PCDHA8: variants seen among roughly 807,000 people sequenced by gnomAD.
PCDHA8 encodes the protein protocadherin alpha-8.
PCDHA8 carries 53 observed loss-of-function variants against 61.8 expected under a neutral mutation model. The ratio of observed to expected loss-of-function variants is 0.86; its 90% CI spans 0.69 to 1.08. The LOEUF (loss-of-function observed/expected upper bound fraction) is 1.08. PCDHA8 is among the 50% of genes least tolerant of loss of function. The pLI, the probability that PCDHA8 is intolerant of heterozygous loss-of-function variation, is 0.00. For missense variants in PCDHA8, 1,293 were observed against 1,245.0 expected (o/e 1.04, Z -0.58); for synonymous variants, 618 against 556.6 (o/e 1.11, Z -1.55).
intron 1 of PCDHA8, among the ~76,000 whole-genome samples, chr5:140,952,641 G>T (rs1033672347): frequency 1.3e-5 from 2 of 152,102 alleles, no homozygotes; most frequent in Non-Finnish European, 2.9e-5. Flanking sequence ...TCCAACCTGT[G>T]CCTGGTTACC....
intron 1 of PCDHA8, chr5:140,857,011 T>C (rs2044320012): frequency 1.3e-6 from 2 of 1,596,036 alleles, no homozygotes; most frequent in Admixed American, 1.7e-5. Flanking sequence ...ATGTAGATGT[T>C]ACAGATAAGG....
Position 140,877,413 on chromosome 5 carries a change from G to T in PCDHA8, c.2394+33698G>T, listed in dbSNP as rs540811233. 2.4e-5 allele frequency: 39 copies of T among 1,613,922 alleles called. No homozygotes were observed. The East Asian group carries it at 2.5e-4, about 10-fold the overall frequency. On this transcript the variant is annotated intron_variant, in intron 1 of 3. Transcript: ENST00000531613. Reference sequence around the variant, plus strand: ...AGGCGGACGCTCCGCGCCACCGCCTGCTGGTGCTGGTGAAGGACCACGGTG... The same window carrying T: ...AGGCGGACGCTCCGCGCCACCGCCTTCTGGTGCTGGTGAAGGACCACGGTG...
At chr5:140,869,141 G>A in intron 1 of PCDHA8, 1 of 1,613,314 alleles carries the variant, frequency 6.2e-7, no homozygotes, top group Non-Finnish European at 8.5e-7. Context: ...GGCACCCCAC[G>A]ACTACAGCTC....
chr5:140,853,923 T>C lies in PCDHA8; in HGVS notation c.2394+10208T>C, dbSNP rs150827815. 226 of 917,558 alleles carry C rather than the reference T, an allele frequency of 2.5e-4. 13 individuals carry two copies. The highest frequency in any genetic ancestry group is 2.8e-4 in the Non-Finnish European group (208 of 754,762). The allele number at this position is 917,558 out of a possible 1,614,324, so 56.8% of individuals were successfully genotyped here. A position where few individuals can be genotyped will look rare whatever the true frequency, so the allele number is the denominator to read the frequency against. On this transcript the variant is annotated intron_variant, in intron 1 of 3. Coordinates refer to ENST00000531613, the MANE Select transcript of PCDHA8 (RefSeq NM_018911.3). Reference sequence around the variant, plus strand: ...TGGCCTGACACCTGCAATCCCAACATTTTGGGAGGCCAAGGTGGGAGGGTC... The same window carrying C: ...TGGCCTGACACCTGCAATCCCAACACTTTGGGAGGCCAAGGTGGGAGGGTC...
In PCDHA8 at chr5:140,858,669, A is replaced by G; in HGVS notation, c.2394+14954A>G. The G allele has an allele frequency of 4.4e-6, 3 of 676,742 alleles. 1 individual carries two copies. Among genetic ancestry groups the G allele is most frequent in the Non-Finnish European group, 7.2e-6 (3 of 415,418 alleles). 41.9% of individuals were successfully genotyped at this position (676,742 alleles called of 1,614,324 possible). On this transcript the variant is annotated intron_variant, in intron 1 of 3. Coordinates refer to ENST00000531613, the MANE Select transcript of PCDHA8 (RefSeq NM_018911.3). ...CTTAAATTTTTTTAAATAACAATTT[A>G]TTCTGAATACACTAATATTTTCCAA...
At chr5:140,851,471 A>C in intron 1 of PCDHA8, 1 of 893,552 alleles carries the variant, frequency 1.1e-6, no homozygotes, top group African/African-American at 1.8e-5. Context: ...ATGTCAATAA[A>C]TGTTATAAAC....
intron 1 of PCDHA8, chr5:140,884,143 G>A: frequency 6.2e-7 from 1 of 1,613,438 alleles, no homozygotes; most frequent in Non-Finnish European, 8.5e-7. Context: ...TCCGCGTGGG[G>A]CTGTACACTG....
At chr5:140,923,376 A>T (rs1331786466) in intron 1 of PCDHA8, among the ~76,000 whole-genome samples, 5 of 152,086 alleles carry the variant, frequency 3.3e-5, no homozygotes, top group Non-Finnish European at 7.3e-5. Flanking sequence ...ATATTTTTAA[A>T]AATTAGTTGG....
chr5:140,978,188 C>A (rs1480380395), intron 1 of PCDHA8, among the ~76,000 whole-genome samples: 2 of 152,176 alleles, frequency 1.3e-5, no homozygotes, highest in Non-Finnish European at 2.9e-5. Context: ...GGCAACAGAT[C>A]TTTTCAATAC....
intron 1 of PCDHA8, among the ~76,000 whole-genome samples, chr5:140,972,284 T>A (rs113618936): frequency 3.6e-4 from 55 of 150,874 alleles, no homozygotes; most frequent in African/African-American, 1.3e-3. Context: ...GGACCATAGA[T>A]GTGCGCCACC....
chr5:141,008,786 T>C (rs2098390952), intron 3 of PCDHA8, among the ~76,000 whole-genome samples: 1 of 152,212 alleles, frequency 6.6e-6, no homozygotes, highest in South Asian at 2.1e-4. Context: ...TGGCTCCCAG[T>C]GTTTTATCTA....
Position 141,010,042 on chromosome 5 carries a change from T to C in PCDHA8, c.*105T>C. 6.3e-7 allele frequency: 1 copy of C among 1,594,374 alleles called. No homozygotes were observed. The highest frequency in any genetic ancestry group is 8.5e-7 in the Non-Finnish European group (1 of 1,171,086). ...TTTTTCCTATCTACATGAGCCCTCT[T>C]AGAGACCTCAGAAATCTGCAGAAAG... On this transcript the variant is annotated 3_prime_UTR_variant, in exon 4 of 4. Transcript: ENST00000531613.
chr5:140,979,145 G>A, intron 2 of PCDHA8, 138 bp downstream of exon 2: 1 of 1,447,220 alleles, frequency 6.9e-7, no homozygotes, highest in Non-Finnish European at 9.1e-7. Context: ...CAATTATTTT[G>A]TCCCCATGTT....
intron 1 of PCDHA8, among the ~76,000 whole-genome samples, chr5:140,954,247 A>T (rs782077145): frequency 2.6e-5 from 4 of 152,196 alleles, no homozygotes; most frequent in Non-Finnish European, 4.4e-5. Context: ...ATGAACATAC[A>T]CATGCAGGTA....
chr5:141,004,369 C>A (rs1239142670), intron 3 of PCDHA8, among the ~76,000 whole-genome samples: 1 of 152,206 alleles, frequency 6.6e-6, no homozygotes, highest in Non-Finnish European at 1.5e-5. Flanking sequence ...ACACCTTGTT[C>A]TGCTCTGCGG....
intron 1 of PCDHA8, chr5:140,967,224 A>G (rs2096116008): frequency 6.2e-7 from 1 of 1,613,708 alleles, no homozygotes; most frequent in Non-Finnish European, 8.5e-7. Flanking sequence ...CGGCCCAACT[A>G]CCAGCTTCAG....
chr5:140,843,065 C>T lies in PCDHA8; in HGVS notation c.1744C>T (p.Pro582Ser), dbSNP rs1554139692. ...GTGGAASKLVPRSVGAGHVVA... is the reference protein window; with the variant it reads ...GTGGAASKLVSRSVGAGHVVA... ...TGGTGGCGCAGCGAGCAAGCTGGTG[C>T]CGCGGTCTGTGGGCGCGGGCCACGT... Residue 582 changes from proline to serine, a missense_variant, in exon 1 of 4, where the codon CCG (proline) becomes TCG (serine). Transcript: ENST00000531613. The T allele has an allele frequency of 6.3e-7, 1 of 1,595,232 alleles. No homozygotes were observed. Among genetic ancestry groups the T allele is most frequent in the Non-Finnish European group, 8.6e-7 (1 of 1,165,280 alleles).
At chr5:140,898,676 G>C (rs1478380529) in intron 1 of PCDHA8, among the ~76,000 whole-genome samples, 3 of 152,036 alleles carry the variant, frequency 2.0e-5, no homozygotes, top group African/African-American at 4.8e-5. Context: ...GTTGCGGGCT[G>C]TTTTTTGGTT....
chr5:140,863,086 A>T, intron 1 of PCDHA8: 3 of 573,948 alleles, frequency 5.2e-6, no homozygotes, highest in South Asian at 4.1e-5. Flanking sequence ...GGGCGAGATC[A>T]GCACGACGAG....
Sources: gnomAD v4.1 joint callset for allele counts (sites outside exome capture counted in the v4.1 genomes callset) on GRCh38, gnomAD v4.1.1 for gene constraint, MANE v1.5 for transcripts, NCBI Gene and HGNC (gene_info 2026-07-23, HGNC 2026-07-21) for gene names.